The following MTDH variants were observed in gnomAD, a reference collection of about 807,000 sequenced individuals.
MTDH encodes protein LYRIC.
A neutral mutation model predicts 72.7 loss-of-function variants in MTDH; 34 were observed. That is an observed-to-expected ratio of 0.47 (90% CI 0.36 to 0.62). The LOEUF (loss-of-function observed/expected upper bound fraction) is 0.62. MTDH is among the 20% of genes least tolerant of loss of function. The probability of loss-of-function intolerance (pLI) is 0.00; values close to 1 mark genes in which losing one functional copy is unlikely to be tolerated. For missense variants in MTDH, 677 were observed against 699.4 expected (o/e 0.97, Z 0.36); for synonymous variants, 266 against 268.9 (o/e 0.99, Z 0.10).
intron 2 of MTDH, among the ~76,000 whole-genome samples, chr8:97,682,999 A>C (rs1214821736): frequency 6.9e-6 from 1 of 145,362 alleles, no homozygotes; most frequent in Non-Finnish European, 1.5e-5. Flanking sequence ...TCAGAACTGG[A>C]ATTTAGTCCT....
intron 2 of MTDH, among the ~76,000 whole-genome samples, chr8:97,666,595 C>G (rs2130945960): frequency 6.6e-6 from 1 of 152,310 alleles, no homozygotes; most frequent in East Asian, 1.9e-4. Context: ...TCCTTTTTAA[C>G]TATGTTGATG....
chr8:97,645,380 AAG>A (rs1811527680), intron 1 of MTDH, among the ~76,000 whole-genome samples: 1 of 152,218 alleles, frequency 6.6e-6, no homozygotes, highest in African/African-American at 2.4e-5. Flanking sequence ...CACAGGATTA[AAG>A]GTGTCCAGGT....
At chr8:97,687,209 A>AT (rs1813401732) in intron 3 of MTDH, among the ~76,000 whole-genome samples, 1 of 152,162 alleles carries the variant, frequency 6.6e-6, no homozygotes, top group Admixed American at 6.6e-5. Flanking sequence ...GACAGATTTG[A>AT]TAAAAATTAC....
intron 2 of MTDH, among the ~76,000 whole-genome samples, chr8:97,684,445 A>T (rs971077105): frequency 6.6e-6 from 1 of 152,192 alleles, no homozygotes; most frequent in East Asian, 1.9e-4. Context: ...ATCCAGACAG[A>T]TGCCTGTTTT....
At chr8:97,666,644 G>C (rs993237207) in intron 2 of MTDH, among the ~76,000 whole-genome samples, 1 of 152,190 alleles carries the variant, frequency 6.6e-6, no homozygotes, top group Admixed American at 6.5e-5. Flanking sequence ...AGGTAAAACT[G>C]CTGGCTCCTT....
rs561498353 is a variant in MTDH, at chr8:97,721,668, C to T, written c.1522-1211C>T. ...TAGGTGAAATGATCTACTCATCTCT[C>T]ACAACCCGAAGGCACTCCAAATTAC... On this transcript the variant is annotated intron_variant, in intron 10 of 11. Coordinates refer to ENST00000336273, the MANE Select transcript of MTDH (RefSeq NM_178812.4). Among the ~76,000 whole-genome samples, 326 of 152,310 alleles carry T rather than the reference C, an allele frequency of 2.1e-3. 2 individuals carry two copies. The highest frequency in any genetic ancestry group is 6.8e-3 in the Middle Eastern group (2 of 294).
chr8:97,706,479 A>ATT, intron 7 of MTDH, 147 bp from the exon 8 acceptor site: 7 of 572,280 alleles, frequency 1.2e-5, no homozygotes, highest in South Asian at 4.5e-5. Context: ...CCTTCATGTT[A>ATT]TTTTTTTTTC....
chr8:97,712,924 A>G (rs1814694777), intron 8 of MTDH, among the ~76,000 whole-genome samples: 2 of 152,128 alleles, frequency 1.3e-5, no homozygotes, highest in Admixed American at 6.5e-5. Flanking sequence ...TACTAGTTCC[A>G]TGGATGGAAC....
chr8:97,658,028 G>A (rs1812046178), intron 1 of MTDH, among the ~76,000 whole-genome samples: 1 of 152,208 alleles, frequency 6.6e-6, no homozygotes, highest in Non-Finnish European at 1.5e-5. Flanking sequence ...TCTGCTGTAT[G>A]AAGGAGAATC....
At chr8:97,669,222 C>A (rs1342423705) in intron 2 of MTDH, among the ~76,000 whole-genome samples, 3 of 152,124 alleles carry the variant, frequency 2.0e-5, no homozygotes, top group Non-Finnish European at 4.4e-5. Flanking sequence ...GATCTCCGCT[C>A]ACTGCAACCT....
intron 2 of MTDH, among the ~76,000 whole-genome samples, chr8:97,677,919 G>C (rs1001555674): frequency 6.6e-6 from 1 of 152,088 alleles, no homozygotes; most frequent in Non-Finnish European, 1.5e-5. Flanking sequence ...GAAATACTAT[G>C]GGGAAACACT....
At chr8:97,687,692 C>A in intron 4 of MTDH, 87 bp downstream of exon 4, 1 of 1,172,818 alleles carries the variant, frequency 8.5e-7, no homozygotes, top group Non-Finnish European at 1.2e-6. Flanking sequence ...CAAAATCTGA[C>A]TATTTTGAAT....
chr8:97,671,672 A>C (rs1812630607), intron 2 of MTDH, among the ~76,000 whole-genome samples: 1 of 152,020 alleles, frequency 6.6e-6, no homozygotes, highest in South Asian at 2.1e-4. Context: ...AAGAAGCCCC[A>C]TCTCTACTAA....
At position 97,686,753 on chromosome 8, in the gene MTDH, G is replaced by GAGCC. The variant is rs2130999463; in HGVS notation, c.568+1_568+2insAGCC. 6.3e-7 allele frequency: 1 copy of GAGCC among 1,586,176 alleles called. No individual in the cohort carries two copies. The highest frequency in any genetic ancestry group is 8.6e-7 in the Non-Finnish European group (1 of 1,166,024). On this transcript the variant is annotated splice_donor_variant, in intron 3 of 11. Coordinates refer to ENST00000336273, the MANE Select transcript of MTDH (RefSeq NM_178812.4). LOFTEE classifies it high-confidence loss of function. Reference sequence around the variant, plus strand: ...CATGATGGAAAGGAAGTTGATGAAGGTACTTGAGCAAGGGAAAGGACTGTA... The same window carrying GAGCC: ...CATGATGGAAAGGAAGTTGATGAAGGAGCCTACTTGAGCAAGGGAAAGGACTGTA...
chr8:97,664,245 A>G (rs1242619793), intron 2 of MTDH, among the ~76,000 whole-genome samples: 1 of 151,760 alleles, frequency 6.6e-6, no homozygotes, highest in Admixed American at 6.6e-5. Flanking sequence ...AGTCCCAGCT[A>G]CTCGGGAGAC....
chr8:97,676,114 A>AT, intron 2 of MTDH, among the ~76,000 whole-genome samples: 1 of 151,568 alleles, frequency 6.6e-6, no homozygotes, highest in African/African-American at 2.4e-5. Flanking sequence ...TAATTTTTGT[A>AT]TTTTTTGTAA....
chr8:97,682,248 A>G (rs536019304), intron 2 of MTDH, among the ~76,000 whole-genome samples: 11 of 3,424 alleles, frequency 3.2e-3, no homozygotes, highest in African/African-American at 0.013. Context: ...ATATATATAT[A>G]TATATATATA....
chr8:97,649,822 T>C (rs925186226), intron 1 of MTDH, among the ~76,000 whole-genome samples: 1 of 152,204 alleles, frequency 6.6e-6, no homozygotes, highest in African/African-American at 2.4e-5. Context: ...ACGCATGGAC[T>C]CAAACTCCTG....
intron 4 of MTDH, among the ~76,000 whole-genome samples, chr8:97,687,979 T>C (rs934313470): frequency 6.6e-6 from 1 of 152,212 alleles, no homozygotes; most frequent in Non-Finnish European, 1.5e-5. Context: ...TGTTGAGAGC[T>C]TTCATTCCAA....
Sources: allele counts gnomAD v4.1 joint callset (sites outside exome capture counted in the v4.1 genomes callset), GRCh38; gene constraint gnomAD v4.1.1; transcripts MANE v1.5; gene names NCBI Gene and HGNC (gene_info 2026-07-23, HGNC 2026-07-21).